ADAMTS6: variants seen among roughly 807,000 people sequenced by gnomAD.
ADAMTS6 encodes ADAM metallopeptidase with thrombospondin type 1 motif 6.
A neutral mutation model predicts 144.3 loss-of-function variants in ADAMTS6; 23 were observed. The ratio of observed to expected loss-of-function variants is 0.16; its 90% CI spans 0.11 to 0.23. The LOEUF (loss-of-function observed/expected upper bound fraction) is 0.23. Ranked by LOEUF, ADAMTS6 falls within the 10% of genes least tolerant of loss-of-function variation. The pLI is 1.00. For missense variants in ADAMTS6, 999 were observed against 1,379.6 expected (o/e 0.72, Z 4.37); for synonymous variants, 444 against 457.5 (o/e 0.97, Z 0.38).
chr5:65,320,462 C>A, intron 9 of ADAMTS6, among the ~76,000 whole-genome samples: 1 of 151,588 alleles, frequency 6.6e-6, no homozygotes, highest in South Asian at 2.1e-4. Context: ...GCTCCAATGA[C>A]GTCATTGATG....
chr5:65,293,518 C>T (rs770833489), intron 10 of ADAMTS6, among the ~76,000 whole-genome samples: 2 of 151,930 alleles, frequency 1.3e-5, no homozygotes, highest in Non-Finnish European at 2.9e-5. Context: ...AGAGGAAGAA[C>T]TGTGTAGATC....
intron 7 of ADAMTS6, among the ~76,000 whole-genome samples, chr5:65,403,824 T>C (rs2150169073): frequency 6.6e-6 from 1 of 152,228 alleles, no homozygotes; most frequent in East Asian, 1.9e-4. Flanking sequence ...ACGTACCTTA[T>C]TCCATATTTC....
In ADAMTS6 at chr5:65,334,217, G is replaced by A. The variant is rs188753783; in HGVS notation, c.1074-132C>T. On this transcript the variant is annotated intron_variant, in intron 7 of 24. Coordinates refer to ENST00000381055, the MANE Select transcript of ADAMTS6 (RefSeq NM_197941.4). ...ATTATGAGCAATCAACTGGAGTGTC[G>A]GCATTTTCAGCACTCTACAGTGCTG... is the stretch of plus-strand genomic sequence containing the variant. The A allele has an allele frequency of 5.6e-5, 56 of 1,004,830 alleles. No individual in the cohort carries two copies. In the African/African-American group the frequency reaches 6.9e-4, roughly 12 times the overall value. The allele number at this position is 1,004,830 out of a possible 1,614,324, so 62.2% of individuals were successfully genotyped here.
In ADAMTS6 at chr5:65,214,723, C is replaced by A. The variant is rs1197635699; in HGVS notation, c.2575+71G>T. On this transcript the variant is annotated intron_variant, in intron 20 of 24. Coordinates refer to ENST00000381055, the MANE Select transcript of ADAMTS6 (RefSeq NM_197941.4). The surrounding 1 kb of genome is among the most constrained non-coding windows in gnomAD (Gnocchi z 4.6). ...TTCCAATTAGCTTTTTTAACAAACA[C>A]AAAGCATAGCTCAGAATGTGTTTTG... is the stretch of plus-strand genomic sequence containing the variant. 6.2e-7 allele frequency: 1 copy of A among 1,608,182 alleles called. No individual in the cohort carries two copies. The highest frequency in any genetic ancestry group is 1.3e-5 in the African/African-American group (1 of 74,944).
intron 10 of ADAMTS6, among the ~76,000 whole-genome samples, chr5:65,296,535 G>A (rs571937005): frequency 3.9e-5 from 6 of 152,238 alleles, no homozygotes; most frequent in Non-Finnish European, 7.4e-5. Flanking sequence ...AACCTGTTTT[G>A]CCAAGCTCTT....
intron 11 of ADAMTS6, among the ~76,000 whole-genome samples, chr5:65,277,395 T>C (rs992432763): frequency 6.6e-5 from 10 of 152,192 alleles, no homozygotes; most frequent in Non-Finnish European, 1.2e-4. Flanking sequence ...AAGTTTTTAA[T>C]GTTCTTTGAC....
At chr5:65,410,366 T>C (rs1398164019) in intron 7 of ADAMTS6, among the ~76,000 whole-genome samples, 1 of 152,200 alleles carries the variant, frequency 6.6e-6, no homozygotes, top group Non-Finnish European at 1.5e-5. Flanking sequence ...TGGGTAAAAG[T>C]TACAGCCAAC....
At chr5:65,221,286 T>C (rs1251970420) in intron 18 of ADAMTS6, among the ~76,000 whole-genome samples, 2 of 152,170 alleles carry the variant, frequency 1.3e-5, no homozygotes, top group African/African-American at 4.8e-5. Context: ...ATAAGAGTAA[T>C]AATAGATCAT....
rs537705013 is a variant in ADAMTS6 at position 65,213,814 on chromosome 5, T to C, written c.2575+980A>G. Among the ~76,000 whole-genome samples the C allele has an allele frequency of 3.3e-5, 5 of 152,226 alleles. No individual in the cohort carries two copies. The East Asian group carries it at 5.8e-4, about 18-fold the overall frequency. On this transcript the variant is annotated intron_variant, in intron 20 of 24. Transcript: ENST00000381055. ...TTCTGCATAGTTTAAAAAAGGAGTATAGGTAATGTATTGGATGATTTACTT... is the reference window on the plus strand; with the variant it reads ...TTCTGCATAGTTTAAAAAAGGAGTACAGGTAATGTATTGGATGATTTACTT...
At chr5:65,395,009 G>C (rs897848200) in intron 7 of ADAMTS6, among the ~76,000 whole-genome samples, 8 of 152,058 alleles carry the variant, frequency 5.3e-5, no homozygotes, top group African/African-American at 1.2e-4. Context: ...AATTGCTCAG[G>C]ATTAAGGAAC....
At chr5:65,286,713 T>C (rs958482191) in intron 11 of ADAMTS6, among the ~76,000 whole-genome samples, 1 of 152,192 alleles carries the variant, frequency 6.6e-6, no homozygotes. Context: ...TTGATTTAAG[T>C]GACAGAATAA....
intron 8 of ADAMTS6, among the ~76,000 whole-genome samples, chr5:65,331,836 CGT>C (rs1561432972): frequency 6.6e-6 from 1 of 151,796 alleles, no homozygotes; most frequent in African/African-American, 2.4e-5. Context: ...GAAGTTAAAA[CGT>C]GTGTGTGTAT....
chr5:65,253,460 C>T (rs1760364871), intron 14 of ADAMTS6, among the ~76,000 whole-genome samples: 1 of 152,122 alleles, frequency 6.6e-6, no homozygotes, highest in South Asian at 2.1e-4. Context: ...TTATCTAGTC[C>T]TTGACTGTCA....
chr5:65,378,488 A>G (rs1751752378), intron 7 of ADAMTS6, among the ~76,000 whole-genome samples: 1 of 152,156 alleles, frequency 6.6e-6, no homozygotes, highest in Non-Finnish European at 1.5e-5. Context: ...AATCCATTCT[A>G]TATACACTGC....
intron 21 of ADAMTS6, among the ~76,000 whole-genome samples, chr5:65,192,481 T>G (rs888867010): frequency 3.3e-5 from 5 of 152,014 alleles, no homozygotes; most frequent in Non-Finnish European, 5.9e-5. Flanking sequence ...GAATAATATT[T>G]ATCACTCAAG....
intron 3 of ADAMTS6, among the ~76,000 whole-genome samples, chr5:65,462,195 A>G (rs1759681313): frequency 6.6e-6 from 1 of 152,204 alleles, no homozygotes; most frequent in Non-Finnish European, 1.5e-5. Flanking sequence ...ACAATGTGCT[A>G]AAAAACTGAA....
chr5:65,456,581 A>G (rs1479089114), intron 4 of ADAMTS6, among the ~76,000 whole-genome samples: 5 of 152,156 alleles, frequency 3.3e-5, no homozygotes, highest in Non-Finnish European at 7.4e-5. Context: ...ACTAGAATAT[A>G]AACTCCATGA....
At chr5:65,201,009 A>C (rs997765093) in intron 20 of ADAMTS6, among the ~76,000 whole-genome samples, 2 of 152,198 alleles carry the variant, frequency 1.3e-5, no homozygotes, top group African/African-American at 4.8e-5. Context: ...TTAAAGATCT[A>C]TTTTCCCATC....
At chr5:65,441,662 G>A (rs1243223921) in intron 7 of ADAMTS6, among the ~76,000 whole-genome samples, 1 of 151,896 alleles carries the variant, frequency 6.6e-6, no homozygotes, top group African/African-American at 2.4e-5. Flanking sequence ...TACCAAGAAA[G>A]ACAATATTCT....
Sources: gnomAD v4.1 joint callset for allele counts (sites outside exome capture counted in the v4.1 genomes callset) on GRCh38, gnomAD v4.1.1 for gene constraint, Gnocchi (gnomAD v3.1) non-coding constraint, MANE v1.5 for transcripts, NCBI Gene and HGNC (gene_info 2026-07-23, HGNC 2026-07-21) for gene names.